The following FTO variants were observed in gnomAD, a reference collection of about 807,000 sequenced individuals.
FTO encodes FTO alpha-ketoglutarate dependent dioxygenase.
FTO carries 47 observed loss-of-function variants against 63.9 expected under a neutral mutation model. The observed-to-expected ratio is 0.74, with a 90% CI of 0.58 to 0.94. FTO has a LOEUF of 0.94. Among genes scored for constraint, FTO ranks in the 40% least tolerant of loss-of-function variants. FTO has a pLI of 0.00. For synonymous variants in FTO, 207 were observed against 224.4 expected (o/e 0.92, Z 0.69); for missense variants, 562 against 618.1 (o/e 0.91, Z 0.96).
At chr16:54,023,590 C>T (rs1188543730) in intron 8 of FTO, among the ~76,000 whole-genome samples, 6 of 152,314 alleles carry the variant, frequency 3.9e-5, no homozygotes, top group South Asian at 2.1e-4. Flanking sequence ...AAGAGCCTTC[C>T]GTTGCTAAGC....
chr16:53,913,115 G>T (rs1567430232), intron 7 of FTO, among the ~76,000 whole-genome samples: 1 of 152,184 alleles, frequency 6.6e-6, no homozygotes, highest in Non-Finnish European at 1.5e-5. Context: ...CTTAAGCAAT[G>T]AATTGTGTGG....
At chr16:53,713,211 C>T (rs756469025) in intron 1 of FTO, among the ~76,000 whole-genome samples, 1 of 152,164 alleles carries the variant, frequency 6.6e-6, no homozygotes, top group Non-Finnish European at 1.5e-5. Context: ...CAAGACTCTT[C>T]TGTTCAACAC....
chr16:53,768,819 C>T (rs1050441504), intron 1 of FTO, among the ~76,000 whole-genome samples: 9 of 152,256 alleles, frequency 5.9e-5, no homozygotes, highest in African/African-American at 2.2e-4. Context: ...AAAATGTTCA[C>T]AACCACCCTT....
intron 8 of FTO, among the ~76,000 whole-genome samples, chr16:53,947,061 G>T (rs925567792): frequency 6.6e-6 from 1 of 152,214 alleles, no homozygotes; most frequent in African/African-American, 2.4e-5. Flanking sequence ...AAGGTAAAAT[G>T]TAACTTGGGG....
intron 1 of FTO, among the ~76,000 whole-genome samples, chr16:53,764,538 T>TG (rs1333874377): frequency 2.6e-5 from 4 of 151,988 alleles, no homozygotes; most frequent in African/African-American, 9.7e-5. Context: ...AATGTGATAT[T>TG]GGTGTTGGGA....
At chr16:53,917,452 A>C (rs183694533) in intron 7 of FTO, among the ~76,000 whole-genome samples, 95 of 152,264 alleles carry the variant, frequency 6.2e-4, no homozygotes, top group African/African-American at 2.1e-3. Flanking sequence ...ATTTCACTGA[A>C]TTGTTATAAG....
intron 8 of FTO, among the ~76,000 whole-genome samples, chr16:53,966,958 T>C (rs1177068258): frequency 6.6e-6 from 1 of 152,138 alleles, no homozygotes; most frequent in Admixed American, 6.5e-5. Context: ...GTGGAGTGGG[T>C]GAGTCCTGCT....
intron 8 of FTO, among the ~76,000 whole-genome samples, chr16:53,967,103 C>T (rs1254365215): frequency 6.6e-6 from 1 of 152,126 alleles, no homozygotes; most frequent in African/African-American, 2.4e-5. Context: ...GCAGTGGTGC[C>T]TAAGGATTCT....
chr16:53,966,765 A>C (rs1321464729), intron 8 of FTO, among the ~76,000 whole-genome samples: 1 of 152,354 alleles, frequency 6.6e-6, no homozygotes, highest in East Asian at 1.9e-4. Flanking sequence ...AAAAAGAAAG[A>C]AACTTAATTT....
intron 1 of FTO, among the ~76,000 whole-genome samples, chr16:53,736,910 C>A (rs2076401571): frequency 6.6e-6 from 1 of 152,152 alleles, no homozygotes; most frequent in South Asian, 2.1e-4. Context: ...TCCCCTCCCC[C>A]AGATTTATGT....
intron 8 of FTO, among the ~76,000 whole-genome samples, chr16:54,014,025 C>T (rs530375450): frequency 3.9e-5 from 6 of 152,228 alleles, no homozygotes; most frequent in Middle Eastern, 3.4e-3. Flanking sequence ...GCAGTGTGTA[C>T]CTGTTGACAC....
intron 4 of FTO, among the ~76,000 whole-genome samples, chr16:53,848,390 T>A (rs1432833662): frequency 1.3e-5 from 2 of 152,150 alleles, no homozygotes; most frequent in South Asian, 4.1e-4. Context: ...GGGGAACGTG[T>A]CGGGTGCCTG....
intron 1 of FTO, among the ~76,000 whole-genome samples, chr16:53,734,916 GC>G (rs1329522770): frequency 6.6e-6 from 1 of 152,170 alleles, no homozygotes; most frequent in Non-Finnish European, 1.5e-5. Context: ...TGTCCTATTG[GC>G]CAGATCTGGA....
chr16:53,792,300 TTTG>T (rs768233290), intron 1 of FTO, among the ~76,000 whole-genome samples: 9 of 152,208 alleles, frequency 5.9e-5, no homozygotes, highest in Non-Finnish European at 1.0e-4. Flanking sequence ...CTAAGGGATT[TTTG>T]TTGTTGTTGT....
chr16:53,946,546 G>T (rs558507324), intron 8 of FTO, among the ~76,000 whole-genome samples: 1 of 152,136 alleles, frequency 6.6e-6, no homozygotes, highest in Admixed American at 6.5e-5. Flanking sequence ...TTGGAAGGGC[G>T]TTTTGGAAGT....
intron 1 of FTO, among the ~76,000 whole-genome samples, chr16:53,706,513 A>T (rs1233563850): frequency 6.6e-6 from 1 of 152,162 alleles, no homozygotes; most frequent in Non-Finnish European, 1.5e-5. Context: ...GATTTCATAT[A>T]AATGGAAGCA....
chr16:54,040,889 C>G (rs1163568386), intron 8 of FTO, among the ~76,000 whole-genome samples: 10 of 152,154 alleles, frequency 6.6e-5, no homozygotes, highest in Admixed American at 6.5e-4. Context: ...GAAAAATATG[C>G]CTAAGGTGTG....
chr16:53,712,355 C>T (rs1191818770), intron 1 of FTO, among the ~76,000 whole-genome samples: 1 of 152,164 alleles, frequency 6.6e-6, no homozygotes, highest in Non-Finnish European at 1.5e-5. Context: ...ACAGATTCTA[C>T]TCTGTTTTTT....
At chr16:53,974,151 A>G (rs1387084511) in intron 8 of FTO, among the ~76,000 whole-genome samples, 2 of 152,070 alleles carry the variant, frequency 1.3e-5, no homozygotes, top group Middle Eastern at 3.2e-3. Context: ...TCAACATTGG[A>G]TGATGCCGAC....
Sources: gnomAD v4.1 joint callset for allele counts (sites outside exome capture counted in the v4.1 genomes callset) on GRCh38, gnomAD v4.1.1 for gene constraint, MANE v1.5 for transcripts, NCBI Gene and HGNC (gene_info 2026-07-23, HGNC 2026-07-21) for gene names.